PRKCA: variants seen among roughly 807,000 people sequenced by gnomAD.
PRKCA encodes the protein protein kinase C alpha type.
Under a neutral mutation model 87.0 loss-of-function variants are expected in PRKCA, and 27 were observed. The ratio of observed to expected loss-of-function variants is 0.31; its 90% confidence interval spans 0.23 to 0.43. The LOEUF (loss-of-function observed/expected upper bound fraction) is 0.43. PRKCA is among the 20% of genes least tolerant of loss of function. PRKCA has a pLI of 1.00. For synonymous variants in PRKCA, 329 were observed against 311.1 expected, an observed-to-expected ratio of 1.06 and a Z score of -0.61; for missense variants, 518 against 852.3, an observed-to-expected ratio of 0.61 and a Z score of 4.88.
chr17:66,779,899 T>C (rs1273457122), intron 14 of PRKCA, among the ~76,000 whole-genome samples: 3 of 152,062 alleles, frequency 2.0e-5, no homozygotes, highest in Admixed American at 6.5e-5. Context: ...AAAATGGTAA[T>C]GTACTAAAGC....
At chr17:66,653,955 T>C (rs1971661231) in intron 5 of PRKCA, among the ~76,000 whole-genome samples, 1 of 152,202 alleles carries the variant, frequency 6.6e-6, no homozygotes. Context: ...TTTGTAGAAG[T>C]TTCATGAATC....
At chr17:66,592,633 G>A (rs1348537808) in intron 3 of PRKCA, among the ~76,000 whole-genome samples, 1 of 152,166 alleles carries the variant, frequency 6.6e-6, no homozygotes, top group Non-Finnish European at 1.5e-5. Flanking sequence ...ACTGGAGCAT[G>A]AACGGTTCTC....
chr17:66,653,875 C>A (rs1262101532), intron 5 of PRKCA, among the ~76,000 whole-genome samples: 1 of 150,236 alleles, frequency 6.7e-6, no homozygotes, highest in Non-Finnish European at 1.5e-5. Flanking sequence ...TCTTTAAATA[C>A]TGGTAGAGAA....
rs867017713 is a variant in PRKCA at position 66,777,540 on chromosome 17, G to C, written c.1605+3473G>C. 9.3e-5 allele frequency: 91 copies of C among 983,332 alleles called. No individual in the cohort carries two copies. In the African/African-American group the frequency reaches 1.3e-3, roughly 14 times the overall value. The allele number at this position is 983,332 out of a possible 1,614,324, so 60.9% of individuals were successfully genotyped here. A position where few individuals can be genotyped will look rare whatever the true frequency, so the allele number is the denominator to read the frequency against. On this transcript the variant is annotated intron_variant, in intron 14 of 16. Transcript: ENST00000413366. Reference sequence around the variant, plus strand: ...TGAGTCAATGGCTGGAGAAACAGGAGTTGTCTGCTCCTCAAGTTAATTTCC... The same window carrying C: ...TGAGTCAATGGCTGGAGAAACAGGACTTGTCTGCTCCTCAAGTTAATTTCC...
At chr17:66,725,127 C>A (rs917255227) in intron 8 of PRKCA, among the ~76,000 whole-genome samples, 2 of 152,154 alleles carry the variant, frequency 1.3e-5, no homozygotes, top group Non-Finnish European at 2.9e-5. Context: ...TGTGGCCAAC[C>A]ACCCTAAAGG....
chr17:66,593,579 A>C (rs536776120), intron 3 of PRKCA, among the ~76,000 whole-genome samples: 1 of 152,216 alleles, frequency 6.6e-6, no homozygotes, highest in African/African-American at 2.4e-5. Flanking sequence ...AGGGGTTCCT[A>C]TCACTAAAAG....
At chr17:66,568,224 G>A (rs2143369010) in intron 3 of PRKCA, among the ~76,000 whole-genome samples, 1 of 152,264 alleles carries the variant, frequency 6.6e-6, no homozygotes, top group Admixed American at 6.5e-5. Flanking sequence ...TGAAGCATGA[G>A]AATCACTTGA....
intron 2 of PRKCA, among the ~76,000 whole-genome samples, chr17:66,395,558 G>A (rs766817691): frequency 4.6e-5 from 7 of 152,074 alleles, no homozygotes; most frequent in Non-Finnish European, 8.8e-5. Context: ...GCTTGGGGGC[G>A]GTGGTACAGG....
chr17:66,468,577 A>G (rs1915188875), intron 2 of PRKCA, among the ~76,000 whole-genome samples: 1 of 152,062 alleles, frequency 6.6e-6, no homozygotes, highest in Non-Finnish European at 1.5e-5. Flanking sequence ...ACATATTTGT[A>G]TGCTTTTCAA....
intron 3 of PRKCA, among the ~76,000 whole-genome samples, chr17:66,507,029 G>A (rs79890617): frequency 0.02 from 3,033 of 152,218 alleles, 99 homozygotes; most frequent in African/African-American, 0.069. Context: ...TGTATTTAGC[G>A]TCTCTTATGT....
intron 8 of PRKCA, among the ~76,000 whole-genome samples, chr17:66,728,261 C>G (rs1709906975): frequency 6.6e-6 from 1 of 152,232 alleles, no homozygotes; most frequent in South Asian, 2.1e-4. Flanking sequence ...GAAATCTATT[C>G]TGACCCTCTG....
At chr17:66,596,590 TTTA>T (rs1182148898) in intron 3 of PRKCA, among the ~76,000 whole-genome samples, 69 of 123,086 alleles carry the variant, frequency 5.6e-4, no homozygotes, top group Admixed American at 2.0e-3. Flanking sequence ...TTTTTTTTTT[TTTA>T]TTATACTCTA....
At chr17:66,787,380 A>G (rs967040001) in intron 15 of PRKCA, among the ~76,000 whole-genome samples, 3 of 152,132 alleles carry the variant, frequency 2.0e-5, no homozygotes, top group Non-Finnish European at 2.9e-5. Context: ...TGGAATCCCA[A>G]TACTTCCTGG....
chr17:66,643,612 C>T (rs1971368015), intron 4 of PRKCA, among the ~76,000 whole-genome samples: 1 of 152,152 alleles, frequency 6.6e-6, no homozygotes, highest in Non-Finnish European at 1.5e-5. Flanking sequence ...CTGACCTGGA[C>T]CAATGCTTTT....
intron 3 of PRKCA, among the ~76,000 whole-genome samples, chr17:66,634,611 T>C (rs1971107021): frequency 6.6e-6 from 1 of 152,202 alleles, no homozygotes; most frequent in African/African-American, 2.4e-5. Context: ...AAAAGTGTGC[T>C]TTGTTAAGGA....
chr17:66,397,591 G>A (rs1910768886), intron 2 of PRKCA, among the ~76,000 whole-genome samples: 1 of 152,014 alleles, frequency 6.6e-6, no homozygotes, highest in African/African-American at 2.4e-5. Flanking sequence ...GGGTGCCTGG[G>A]TCACAGGTGG....
chr17:66,474,721 T>G (rs928391184), intron 2 of PRKCA, among the ~76,000 whole-genome samples: 16 of 152,330 alleles, frequency 1.1e-4, no homozygotes, highest in Non-Finnish European at 2.1e-4. Flanking sequence ...TTAAAGTAAT[T>G]ATTAACAACA....
chr17:66,420,359 G>GCT (rs1912419452), intron 2 of PRKCA, among the ~76,000 whole-genome samples: 1 of 152,130 alleles, frequency 6.6e-6, no homozygotes, highest in Non-Finnish European at 1.5e-5. Flanking sequence ...CTAAGCTTTA[G>GCT]TCAAGAGTCA....
chr17:66,733,388 G>A (rs117436498), intron 9 of PRKCA, among the ~76,000 whole-genome samples: 1,567 of 152,298 alleles, frequency 0.01, 13 homozygotes, highest in Non-Finnish European at 0.017. Context: ...ACAGGTTTGG[G>A]GGGAAAGCTT....
Sources: gnomAD v4.1 joint callset for allele counts (sites outside exome capture counted in the v4.1 genomes callset) on GRCh38, gnomAD v4.1.1 for gene constraint, MANE v1.5 for transcripts, NCBI Gene and HGNC (gene_info 2026-07-23, HGNC 2026-07-21) for gene names.